SLC30A4: variants seen among roughly 807,000 people sequenced by gnomAD.
SLC30A4 encodes the protein solute carrier family 30 member 4.
A neutral mutation model predicts 41.7 loss-of-function variants in SLC30A4; 20 were observed. The observed-to-expected ratio is 0.48, with a 90% CI of 0.34 to 0.70. The LOEUF (loss-of-function observed/expected upper bound fraction) is 0.70, where lower values mean the gene tolerates loss of function less well. Ranked by LOEUF, SLC30A4 falls within the 30% of genes least tolerant of loss-of-function variation. The probability of loss-of-function intolerance (pLI) is 0.01; values close to 1 mark genes in which losing one functional copy is unlikely to be tolerated. For synonymous variants in SLC30A4, 181 were observed against 195.9 expected (o/e 0.92, Z 0.64); for missense variants, 441 against 529.3 (o/e 0.83, Z 1.64).
intron 3 of SLC30A4, chr15:45,501,994 C>A (rs917018275): frequency 6.6e-6 from 1 of 151,998 alleles, no homozygotes. Flanking sequence ...CATTCACAGA[C>A]ACGAATCCTT....
At chr15:45,510,761 A>C (rs773663534) in intron 3 of SLC30A4, among the ~76,000 whole-genome samples, 17 of 152,258 alleles carry the variant, frequency 1.1e-4, no homozygotes, top group Non-Finnish European at 2.1e-4. Flanking sequence ...GCTCTGCTTA[A>C]AATCTAAGCT....
intron 3 of SLC30A4, among the ~76,000 whole-genome samples, chr15:45,503,406 C>A (rs1228076130): frequency 6.6e-6 from 1 of 151,838 alleles, no homozygotes; most frequent in African/African-American, 2.4e-5. Flanking sequence ...ATCACAAGGT[C>A]AGGAGTTCGA....
chr15:45,493,369 G>A (rs1329664174), intron 3 of SLC30A4, among the ~76,000 whole-genome samples: 1 of 152,102 alleles, frequency 6.6e-6, no homozygotes, highest in Non-Finnish European at 1.5e-5. Context: ...AGTGTTAATA[G>A]GTAAAATAAT....
chr15:45,522,546 G>C, intron 1 of SLC30A4, 61 bp downstream of exon 1: 1 of 545,532 alleles, frequency 1.8e-6, no homozygotes, highest in Non-Finnish European at 3.1e-6. Context: ...GCGGCGGGTC[G>C]CAGGGCCGAC....
Position 45,483,376 on chromosome 15 carries a change from G to A in SLC30A4, c.*1787C>T, listed in dbSNP as rs1193188804. On this transcript the variant is annotated 3_prime_UTR_variant, in exon 8 of 8. Transcript: ENST00000261867. ...CCCAATAACCATATCCATTCTTCGT[G>A]TAAGAAACTGTCACTGTTGAAAAGG... 2.0e-5 allele frequency: 3 copies of A among 152,166 alleles called. No individual in the cohort carries two copies. Among genetic ancestry groups the A allele is most frequent in the Non-Finnish European group, 4.4e-5 (3 of 68,028 alleles). 9.4% of individuals were successfully genotyped at this position (152,166 alleles called of 1,614,324 possible). A position where few individuals can be genotyped will look rare whatever the true frequency, so the allele number is the denominator to read the frequency against.
intron 3 of SLC30A4, among the ~76,000 whole-genome samples, chr15:45,495,698 C>T (rs1034062133): frequency 6.6e-6 from 1 of 152,174 alleles, no homozygotes; most frequent in African/African-American, 2.4e-5. Flanking sequence ...AGGACTCCCA[C>T]CCTTACAAGG....
chr15:45,507,763 C>T (rs909152458), intron 3 of SLC30A4, among the ~76,000 whole-genome samples: 1 of 152,162 alleles, frequency 6.6e-6, no homozygotes, highest in African/African-American at 2.4e-5. Context: ...GATAGGATTA[C>T]AGGCATGAGC....
intron 3 of SLC30A4, among the ~76,000 whole-genome samples, chr15:45,500,961 G>A (rs1892017502): frequency 6.6e-6 from 1 of 151,172 alleles, no homozygotes; most frequent in Non-Finnish European, 1.5e-5. Flanking sequence ...TGGGATTACA[G>A]GCGTGAGTAT....
intron 4 of SLC30A4, 65 bp downstream of exon 4, chr15:45,490,663 G>T: frequency 1.0e-6 from 1 of 955,330 alleles, no homozygotes; most frequent in Non-Finnish European, 1.6e-6. Context: ...ATTACTGAAT[G>T]CATATGCAAT....
intron 2 of SLC30A4, chr15:45,515,643 A>G (rs933032321): frequency 6.6e-6 from 1 of 151,882 alleles, no homozygotes; most frequent in Non-Finnish European, 1.5e-5. Flanking sequence ...ACAGTGCAAG[A>G]CTCCATCTCA....
In SLC30A4 at chr15:45,509,544, G is replaced by A. The variant is rs568960970; in HGVS notation, c.538+1594C>T. Among the ~76,000 whole-genome samples the A allele has an allele frequency of 8.9e-4, 136 of 151,980 alleles. 4 individuals carry two copies. The South Asian group carries it at 0.025, about 28-fold the overall frequency. On this transcript the variant is annotated intron_variant, in intron 3 of 7. Transcript: ENST00000261867. ...GCTGGGATTACAGACGTGAGCCACCGTGCCTGGCCAGGAACACATTCACAT... is the reference window on the plus strand; with the variant it reads ...GCTGGGATTACAGACGTGAGCCACCATGCCTGGCCAGGAACACATTCACAT...
At chr15:45,499,496 C>A (rs8042179) in intron 3 of SLC30A4, among the ~76,000 whole-genome samples, 12,813 of 152,078 alleles carry the variant, frequency 0.084, 1,788 homozygotes, top group African/African-American at 0.29. Flanking sequence ...CCTCTTCAGC[C>A]CACCGTCTGG....
chr15:45,488,871 C>A lies in SLC30A4; in HGVS notation c.864G>T (p.Val288=). ...ATCGTATGATGTATGCAGCTATTAGCACACCAACACTCTGTACCAAATCTC... is the reference window on the plus strand; with the variant it reads ...ATCGTATGATGTATGCAGCTATTAGAACACCAACACTCTGTACCAAATCTC... ...ALGDLVQSVG[V]LIAAYIIRFK... The change falls in exon 5 of 8, where the codon GTG becomes GTT. Residue 288 remains valine, a synonymous_variant. Transcript: ENST00000261867. 6.2e-7 allele frequency: 1 copy of A among 1,613,916 alleles called. No homozygotes were observed. Among genetic ancestry groups the A allele is most frequent in the Non-Finnish European group, 8.5e-7 (1 of 1,179,890 alleles).
rs372889765 is a variant in SLC30A4, at chr15:45,511,276, T to C, written c.400A>G (p.Ile134Val). The C allele has an allele frequency of 1.0e-5, 16 of 1,598,652 alleles. No homozygotes were observed. Among genetic ancestry groups the C allele is most frequent in the South Asian group, 2.3e-5 (2 of 87,078 alleles). ...FMIGELVGGYIANSLAIMTDA... is the reference protein window; with the variant it reads ...FMIGELVGGYVANSLAIMTDA... ...GTCATGATTGCTAGGCTATTTGCAA[T>C]GTATCCACCTTAGAGTTACAAGTAG... Residue 134 changes from isoleucine (I) to valine (V), a missense_variant, in exon 3 of 8, where the codon ATT (isoleucine) becomes GTT (valine). This residue lies in a region of SLC30A4 where 312 missense variants were observed against 341.9 expected (regional missense o/e 0.91). Coordinates refer to ENST00000261867, the MANE Select transcript of SLC30A4 (RefSeq NM_013309.6).
intron 5 of SLC30A4, among the ~76,000 whole-genome samples, chr15:45,488,451 T>TA (rs1005473179): frequency 4.6e-5 from 7 of 152,290 alleles, no homozygotes; most frequent in Admixed American, 1.3e-4. Context: ...TGTGTACCTG[T>TA]AATCCCAGCT....
intron 2 of SLC30A4, among the ~76,000 whole-genome samples, chr15:45,512,661 A>G (rs1421379984): frequency 6.6e-6 from 1 of 152,238 alleles, no homozygotes; most frequent in Non-Finnish European, 1.5e-5. Context: ...GGAATCTCAG[A>G]AAGTCTGAAT....
At chr15:45,493,312 A>C (rs187586728) in intron 3 of SLC30A4, among the ~76,000 whole-genome samples, 205 of 152,330 alleles carry the variant, frequency 1.3e-3, no homozygotes, top group African/African-American at 4.7e-3. Context: ...GAAGAAAATA[A>C]TTTAAGGAAT....
intron 3 of SLC30A4, chr15:45,497,144 T>A (rs375632276): frequency 6.6e-6 from 1 of 152,214 alleles, no homozygotes; most frequent in East Asian, 1.9e-4. Context: ...CTCGGCTCAC[T>A]GCAACCTCCA....
intron 2 of SLC30A4, among the ~76,000 whole-genome samples, chr15:45,519,837 CGTT>C (rs145975698): frequency 0.029 from 4,386 of 152,228 alleles, 93 homozygotes; most frequent in Non-Finnish European, 0.043. Context: ...AAATATTCAA[CGTT>C]AACTTCAAAA....
Sources: allele counts gnomAD v4.1 joint callset (sites outside exome capture counted in the v4.1 genomes callset), GRCh38; gene constraint gnomAD v4.1.1; regional missense constraint gnomAD v4.1.1; transcripts MANE v1.5; gene names NCBI Gene and HGNC (gene_info 2026-07-23, HGNC 2026-07-21).